Variants in SH3D19 observed in about 807,000 individuals in gnomAD.
SH3D19 encodes SH3 domain containing 19.
In SH3D19, 58 loss-of-function variants were observed where a neutral mutation model predicts 112.1. That is an observed-to-expected ratio of 0.52 (90% CI 0.42 to 0.64). The LOEUF (loss-of-function observed/expected upper bound fraction) is 0.64. Ranked by LOEUF, SH3D19 falls within the 30% of genes least tolerant of loss-of-function variation. The pLI, the probability that SH3D19 is intolerant of heterozygous loss-of-function variation, is 0.00. For synonymous variants in SH3D19, 391 were observed against 448.5 expected (o/e 0.87, Z 1.62); for missense variants, 1,090 against 1,263.4 (o/e 0.86, Z 2.08).
At chr4:151,300,327 A>AT (rs1174957334) in intron 1 of SH3D19, among the ~76,000 whole-genome samples, 1 of 152,066 alleles carries the variant, frequency 6.6e-6, no homozygotes, top group South Asian at 2.1e-4. Flanking sequence ...GCTTTGCACA[A>AT]TTTTTTTTAA....
rs1747921785 is a variant in SH3D19 at position 151,121,092 on chromosome 4, A to C, written c.*999T>G. On this transcript the variant is annotated 3_prime_UTR_variant, in exon 20 of 20. Transcript: ENST00000604030. ...AAAGTACCAGTCTTCTGTCCTCTTAAATTATTTTTCATTCTGATTATATTA... is the reference window on the plus strand; with the variant it reads ...AAAGTACCAGTCTTCTGTCCTCTTACATTATTTTTCATTCTGATTATATTA... The C allele has an allele frequency of 6.6e-6, 1 of 152,536 alleles. No homozygotes were observed. Among genetic ancestry groups the C allele is most frequent in the South Asian group, 2.1e-4 (1 of 4,836 alleles). 9.4% of individuals were successfully genotyped at this position (152,536 alleles called of 1,614,324 possible).
intron 1 of SH3D19, among the ~76,000 whole-genome samples, chr4:151,276,872 G>GT (rs1474824090): frequency 1.3e-5 from 2 of 152,124 alleles, no homozygotes; most frequent in African/African-American, 4.8e-5. Context: ...ACAGGGTCCT[G>GT]TTTCTTCCAG....
chr4:151,207,088 A>G (rs1002122081), intron 2 of SH3D19, among the ~76,000 whole-genome samples: 5 of 152,288 alleles, frequency 3.3e-5, no homozygotes, highest in Non-Finnish European at 5.9e-5. Context: ...CTATGGCCAA[A>G]TGGGGTAGGA....
intron 1 of SH3D19, among the ~76,000 whole-genome samples, chr4:151,310,210 CAA>C (rs1207145608): frequency 4.0e-5 from 4 of 100,296 alleles, no homozygotes; most frequent in African/African-American, 3.2e-5. Context: ...TCTGTCTTTA[CAA>C]AAAAAAAAAA....
chr4:151,154,687 G>A (rs539837300), intron 9 of SH3D19, among the ~76,000 whole-genome samples: 2 of 151,056 alleles, frequency 1.3e-5, no homozygotes, highest in South Asian at 2.1e-4. Flanking sequence ...AGCAATTTTC[G>A]TGCCTCAGCC....
intron 1 of SH3D19, among the ~76,000 whole-genome samples, chr4:151,299,728 A>T (rs1170265728): frequency 6.6e-6 from 1 of 151,076 alleles, no homozygotes; most frequent in East Asian, 1.9e-4. Context: ...CCTCAAGGAG[A>T]CAGTACCATA....
intron 8 of SH3D19, among the ~76,000 whole-genome samples, chr4:151,163,693 G>T (rs1332553840): frequency 6.6e-6 from 1 of 151,350 alleles, no homozygotes; most frequent in Admixed American, 6.6e-5. Context: ...CAATTCTTGT[G>T]CCTTAGCCTC....
At chr4:151,186,389 G>C (rs939589537) in intron 3 of SH3D19, among the ~76,000 whole-genome samples, 9 of 152,190 alleles carry the variant, frequency 5.9e-5, no homozygotes, top group Admixed American at 4.6e-4. Context: ...ATTGTGAAAA[G>C]TACCTGTAGA....
At chr4:151,227,270 AG>A (rs1769152614) in intron 1 of SH3D19, among the ~76,000 whole-genome samples, 1 of 152,248 alleles carries the variant, frequency 6.6e-6, no homozygotes. Flanking sequence ...GAAAAGGAAT[AG>A]GATTTACACA....
chr4:151,205,007 G>A (rs776954814), intron 2 of SH3D19, among the ~76,000 whole-genome samples: 37 of 151,994 alleles, frequency 2.4e-4, no homozygotes, highest in Admixed American at 4.6e-4. Flanking sequence ...TTTTAATAGA[G>A]ACAGGGTTTC....
intron 1 of SH3D19, among the ~76,000 whole-genome samples, chr4:151,272,617 C>G (rs113644023): frequency 6.6e-6 from 1 of 152,194 alleles, no homozygotes; most frequent in Non-Finnish European, 1.5e-5. Flanking sequence ...CATGGACTTA[C>G]AACAGTAACT....
chr4:151,314,778 C>G (rs1729828050), intron 1 of SH3D19, among the ~76,000 whole-genome samples: 1 of 152,184 alleles, frequency 6.6e-6, no homozygotes, highest in African/African-American at 2.4e-5. Context: ...GCAGGGACTG[C>G]AGGGCCATCT....
At chr4:151,278,411 GT>G (rs1773859187) in intron 1 of SH3D19, among the ~76,000 whole-genome samples, 1 of 127,524 alleles carries the variant, frequency 7.8e-6, no homozygotes, top group South Asian at 2.3e-4. Flanking sequence ...GGGACTACAG[GT>G]GTGGTTGAAC....
At chr4:151,151,252 C>T (rs936286732) in intron 9 of SH3D19, among the ~76,000 whole-genome samples, 3 of 152,136 alleles carry the variant, frequency 2.0e-5, no homozygotes, top group African/African-American at 7.2e-5. Context: ...TGAGCCACCA[C>T]ACCCAGTCCC....
chr4:151,250,048 C>T (rs2149976444), intron 1 of SH3D19, among the ~76,000 whole-genome samples: 1 of 152,268 alleles, frequency 6.6e-6, no homozygotes, highest in East Asian at 1.9e-4. Context: ...GGGATGTTCT[C>T]CATCACTGTG....
At chr4:151,253,735 C>T (rs528535769) in intron 1 of SH3D19, among the ~76,000 whole-genome samples, 15 of 62,972 alleles carry the variant, frequency 2.4e-4, no homozygotes, top group Non-Finnish European at 5.2e-4. Flanking sequence ...AGCGAGACTC[C>T]GTCTCAAAAA....
chr4:151,134,485 GTC>G (rs1751407714), intron 15 of SH3D19, among the ~76,000 whole-genome samples: 2 of 152,138 alleles, frequency 1.3e-5, no homozygotes, highest in South Asian at 2.1e-4. Context: ...CATACAAAAT[GTC>G]TAGCAGTTAT....
intron 1 of SH3D19, among the ~76,000 whole-genome samples, chr4:151,324,062 A>G (rs1730805696): frequency 6.6e-6 from 1 of 152,230 alleles, no homozygotes; most frequent in African/African-American, 2.4e-5. Flanking sequence ...ATTACCAATT[A>G]TGTTCAAAAC....
At chr4:151,309,020 C>T (rs1229127089) in intron 1 of SH3D19, among the ~76,000 whole-genome samples, 1 of 152,052 alleles carries the variant, frequency 6.6e-6, no homozygotes, top group Non-Finnish European at 1.5e-5. Context: ...AGGTGCACAC[C>T]ACCATGCCCA....
Sources: gnomAD v4.1 joint callset for allele counts (sites outside exome capture counted in the v4.1 genomes callset) on GRCh38, gnomAD v4.1.1 for gene constraint, MANE v1.5 for transcripts, NCBI Gene and HGNC (gene_info 2026-07-23, HGNC 2026-07-21) for gene names.